Variants in SPATA24 observed in about 807,000 individuals in gnomAD.
The protein encoded by SPATA24 is spermatogenesis-associated protein 24.
A neutral mutation model predicts 28.9 loss-of-function variants in SPATA24; 21 were observed. That is an observed-to-expected ratio of 0.73 (90% CI 0.52 to 1.05). The LOEUF (loss-of-function observed/expected upper bound fraction) is 1.05, where lower values mean the gene tolerates loss of function less well. SPATA24 is among the 50% of genes least tolerant of loss of function. The pLI, the probability that SPATA24 is intolerant of heterozygous loss-of-function variation, is 0.00. For synonymous variants in SPATA24, 76 were observed against 89.9 expected (o/e 0.85, Z 0.88); for missense variants, 215 against 242.9 (o/e 0.88, Z 0.76).
rs58358170 is a variant in SPATA24 at position 139,402,777 on chromosome 5, A to G, written c.118-84T>C. On this transcript the variant is annotated intron_variant, in intron 1 of 5. Coordinates refer to ENST00000450845, the MANE Select transcript of SPATA24 (RefSeq NM_194296.2). ...GGGACCAGGACCAAAAGCGGATAAC[A>G]GGATGATGCTCGTGGTACCTAGGAT... 1.5e-3 allele frequency: 1,542 copies of G among 1,004,378 alleles called. 22 individuals are homozygous for G. The East Asian group carries it at 0.029, about 19-fold the overall frequency. The allele number at this position is 1,004,378 out of a possible 1,614,324, so 62.2% of individuals were successfully genotyped here.
chr5:139,396,465 C>T (rs1258613410), downstream of SPATA24: 1 of 1,156,398 alleles, frequency 8.6e-7, no homozygotes, highest in African/African-American at 1.6e-5. Context: ...CCTTGTGGTT[C>T]TGGAACCCAC....
downstream of SPATA24, chr5:139,394,076 C>A (rs1433784755): frequency 1.9e-6 from 3 of 1,550,878 alleles, no homozygotes; most frequent in African/African-American, 2.7e-5. Context: ...CTAACAGGAC[C>A]CAGCGGCTCC....
In SPATA24 at chr5:139,401,748, C is replaced by T. The variant is rs764036922; in HGVS notation, c.385+7G>A. 66 of 1,551,472 alleles carry T rather than the reference C, an allele frequency of 4.3e-5. No homozygotes were observed. The highest frequency in any genetic ancestry group is 5.3e-5 in the Non-Finnish European group (61 of 1,146,958). ...ACCGTGGTGGAGAGCACGGGCCTCC[C>T]GCCTACCATTGCACTTGGTGATGAG... On this transcript the variant is annotated splice_region_variant and intron_variant, in intron 4 of 5. Transcript: ENST00000450845.
chr5:139,403,141 G>A (rs1392722734), intron 1 of SPATA24, among the ~76,000 whole-genome samples: 5 of 152,140 alleles, frequency 3.3e-5, no homozygotes, highest in Admixed American at 2.0e-4. Context: ...GGAAGACCTG[G>A]GTACCTTCAG....
chr5:139,401,567 C>T (rs1407361139), intron 4 of SPATA24, 188 bp downstream of exon 4: 5 of 710,646 alleles, frequency 7.0e-6, no homozygotes, highest in Non-Finnish European at 7.6e-6. Context: ...ACACCGACTG[C>T]TTCCCTCATT....
downstream of SPATA24, chr5:139,394,675 G>A (rs1331897638): frequency 6.5e-7 from 1 of 1,534,370 alleles, no homozygotes; most frequent in African/African-American, 1.4e-5. Flanking sequence ...GGCCGGCTCC[G>A]TGAACTGTTG....
downstream of SPATA24, chr5:139,392,567 G>A (rs202094107): frequency 5.1e-3 from 6,874 of 1,353,364 alleles, 19 homozygotes; most frequent in Non-Finnish European, 5.9e-3. This position sits in a 1 kb window ranked among gnomAD's most constrained non-coding sequence, Gnocchi z 5.8. Context: ...AACGCCAGGG[G>A]CTCCCGCGGG....
chr5:139,395,072 C>T (rs1442522356), downstream of SPATA24: 3 of 1,405,924 alleles, frequency 2.1e-6, no homozygotes, highest in Non-Finnish European at 2.8e-6. Flanking sequence ...GGGGCGAGCG[C>T]GGTCAGCATG....
downstream of SPATA24, chr5:139,396,227 T>C: frequency 1.0e-6 from 1 of 985,380 alleles, no homozygotes; most frequent in Non-Finnish European, 1.2e-6. Flanking sequence ...CACTCGGTGA[T>C]GGCTTCTGAA....
At chr5:139,394,525 A>C, downstream of SPATA24, 1 of 1,466,832 alleles carries the variant, frequency 6.8e-7, no homozygotes, top group South Asian at 1.4e-5. Context: ...CACACACTCG[A>C]ACTGCGCTGG....
At chr5:139,396,609 C>T (rs1360466851), downstream of SPATA24, 2 of 1,434,332 alleles carry the variant, frequency 1.4e-6, no homozygotes, top group Admixed American at 2.6e-5. Flanking sequence ...ATTAAATACC[C>T]AAAGGAAGCG....
downstream of SPATA24, chr5:139,393,421 G>C: frequency 3.2e-6 from 5 of 1,551,678 alleles, no homozygotes; most frequent in South Asian, 1.2e-5. Flanking sequence ...TGGAGTGCCG[G>C]GTGCGGACGG....
intron 4 of SPATA24, among the ~76,000 whole-genome samples, chr5:139,398,495 C>G (rs1278485241): frequency 1.3e-5 from 2 of 152,096 alleles, no homozygotes; most frequent in African/African-American, 4.8e-5. Context: ...ATCACTTGAG[C>G]TCAGGAGTTG....
At chr5:139,403,917 T>C in intron 1 of SPATA24, 27 bp downstream of exon 1, 3 of 1,539,728 alleles carry the variant, frequency 1.9e-6, no homozygotes, top group Non-Finnish European at 2.6e-6. Context: ...CGGCCCCGCC[T>C]CTCCCCAAAC....
rs529122638 is a variant in SPATA24 at position 139,403,950 on chromosome 5, C to T, written c.111G>A (p.Arg37=). 84 of 1,551,514 alleles carry T rather than the reference C, an allele frequency of 5.4e-5. No individual in the cohort carries two copies. In the South Asian group the frequency reaches 8.8e-4, roughly 16 times the overall value. Residue 37 remains arginine (R), a synonymous_variant, in exon 1 of 6, where the codon AGG becomes AGA. Coordinates refer to ENST00000450845, the MANE Select transcript of SPATA24 (RefSeq NM_194296.2). The stretch of plus-strand genomic sequence containing the variant: ...AACTCCTCTGGCTGCATACCACGTT[C>T]CTCAGCTGGTGGATTAGTTCCTCCT... ...ESQEELIHQL[R]NVMVLQDENF... is the part of the protein sequence containing the mutation.
chr5:139,401,583 G>A, intron 4 of SPATA24, 172 bp downstream of exon 4: 1 of 727,538 alleles, frequency 1.4e-6, no homozygotes, highest in Non-Finnish European at 2.5e-6. Flanking sequence ...TCATTTCCGT[G>A]GCCTGCCTGG....
downstream of SPATA24, chr5:139,392,658 G>A (rs1758618202): frequency 1.4e-6 from 2 of 1,395,890 alleles, no homozygotes; most frequent in African/African-American, 1.5e-5. This position sits in a 1 kb window ranked among gnomAD's most constrained non-coding sequence, Gnocchi z 5.8. Flanking sequence ...GGCTCGGGCT[G>A]GCTTGCATCT....
Position 139,401,845 on chromosome 5 carries a change from T to G in SPATA24, c.315-20A>C, listed in dbSNP as rs1758829089. 7.8e-6 allele frequency: 12 copies of G among 1,547,602 alleles called. No homozygotes were observed. The highest frequency in any genetic ancestry group is 1.0e-5 in the Non-Finnish European group (12 of 1,144,102). On this transcript the variant is annotated intron_variant, in intron 3 of 5. Transcript: ENST00000450845. ...GAGAGCCTGGGTGGGGAAGATAAGA[T>G]GGGAGGGTGGGCAGGCTAGCAAGCA...
Position 139,402,595 on chromosome 5 carries a change from G to A in SPATA24, c.183+33C>T, listed in dbSNP as rs761284363. On this transcript the variant is annotated intron_variant, in intron 2 of 5. Coordinates refer to ENST00000450845, the MANE Select transcript of SPATA24 (RefSeq NM_194296.2). ...ACCACAGGGATCCTGGGAAACGGGG[G>A]AAGATTAGGAGACCGCAGAGGCCAT... 9.1e-6 allele frequency: 14 copies of A among 1,540,860 alleles called. No homozygotes were observed. The African/African-American group carries it at 1.6e-4, about 18-fold the overall frequency.
Sources: gnomAD v4.1 joint callset for allele counts (sites outside exome capture counted in the v4.1 genomes callset) on GRCh38, gnomAD v4.1.1 for gene constraint, Gnocchi (gnomAD v3.1) non-coding constraint, MANE v1.5 for transcripts, NCBI Gene and HGNC (gene_info 2026-07-23, HGNC 2026-07-21) for gene names.